MYO1B: variants seen among roughly 807,000 people sequenced by gnomAD.
The protein encoded by MYO1B is myosin IB.
A neutral mutation model predicts 159.7 loss-of-function variants in MYO1B; 72 were observed. The ratio of observed to expected loss-of-function variants is 0.45; its 90% confidence interval spans 0.37 to 0.55. The LOEUF is 0.55. Ranked by LOEUF, MYO1B falls within the 20% of genes least tolerant of loss-of-function variation. The probability of loss-of-function intolerance (pLI) is 0.00; values close to 1 mark genes in which losing one functional copy is unlikely to be tolerated. For missense variants in MYO1B, 1,062 were observed against 1,364.8 expected, an observed-to-expected ratio of 0.78 and a Z score of 3.50; for synonymous variants, 468 against 473.8, an observed-to-expected ratio of 0.99 and a Z score of 0.16.
chr2:191,397,122 T>A (rs1448097613), intron 21 of MYO1B, among the ~76,000 whole-genome samples: 2 of 121,544 alleles, frequency 1.6e-5, no homozygotes, highest in Non-Finnish European at 3.4e-5. Flanking sequence ...CAAAAGAAGA[T>A]GATTTCTTTT....
intron 24 of MYO1B, among the ~76,000 whole-genome samples, chr2:191,405,679 A>G (rs1444174230): frequency 6.6e-6 from 1 of 152,238 alleles, no homozygotes; most frequent in Non-Finnish European, 1.5e-5. Flanking sequence ...GTCAGTGTGC[A>G]TGAATATTTT....
At chr2:191,403,316 G>T (rs1574622823) in intron 24 of MYO1B, among the ~76,000 whole-genome samples, 1 of 152,136 alleles carries the variant, frequency 6.6e-6, no homozygotes, top group East Asian at 1.9e-4. Context: ...TTATGGCAGG[G>T]TTTATTTTGA....
At chr2:191,258,718 C>T (rs1686610386) in intron 1 of MYO1B, among the ~76,000 whole-genome samples, 1 of 152,170 alleles carries the variant, frequency 6.6e-6, no homozygotes, top group South Asian at 2.1e-4. Context: ...CCACTTCATA[C>T]ACACTAATAC....
At chr2:191,379,577 GCTTTC>G (rs1313932330) in intron 13 of MYO1B, among the ~76,000 whole-genome samples, 1 of 152,098 alleles carries the variant, frequency 6.6e-6, no homozygotes, top group Non-Finnish European at 1.5e-5. Context: ...GGACACTAGT[GCTTTC>G]CTTTCCTTCT....
intron 1 of MYO1B, among the ~76,000 whole-genome samples, chr2:191,272,008 G>T (rs1687481375): frequency 6.6e-6 from 1 of 152,160 alleles, no homozygotes; most frequent in African/African-American, 2.4e-5. Flanking sequence ...GGTTGTTTAT[G>T]CTGCATTCTC....
At chr2:191,273,898 C>T (rs150057716) in intron 1 of MYO1B, among the ~76,000 whole-genome samples, 58 of 152,262 alleles carry the variant, frequency 3.8e-4, no homozygotes, top group African/African-American at 1.4e-3. Context: ...GCACATAGCT[C>T]CTTCAGAGAA....
chr2:191,265,628 C>T (rs551852856), intron 1 of MYO1B, among the ~76,000 whole-genome samples: 15 of 152,162 alleles, frequency 9.9e-5, no homozygotes, highest in South Asian at 8.3e-4. Context: ...AACAGTTTTA[C>T]GTTCACTTAG....
chr2:191,333,335 A>C (rs982889629), intron 4 of MYO1B, among the ~76,000 whole-genome samples: 1 of 152,120 alleles, frequency 6.6e-6, no homozygotes, highest in Non-Finnish European at 1.5e-5. Context: ...GCATGTACAA[A>C]ATGGAACTCT....
chr2:191,337,862 A>G (rs1327126571), intron 4 of MYO1B, among the ~76,000 whole-genome samples: 1 of 152,144 alleles, frequency 6.6e-6, no homozygotes, highest in Non-Finnish European at 1.5e-5. Context: ...GTTTTTCATT[A>G]TAGAGGTTAT....
In MYO1B at chr2:191,387,263, G is replaced by C. The variant is rs1332427470; in HGVS notation, c.1594G>C (p.Asp532His). Reference protein sequence around the residue: ...QVEGFVDKNNDLLYRDLSQAM... With the variant: ...QVEGFVDKNNHLLYRDLSQAM... ...GGAAGGATTCGTTGACAAAAACAAT[G>C]ACCTTCTCTATCGAGACCTGTCCCA... is the stretch of plus-strand genomic sequence containing the variant. Residue 532 changes from aspartate to histidine, a missense_variant, in exon 17 of 31, where the codon GAC (aspartate) becomes CAC (histidine). Around this residue, in one of 5 missense-constraint regions of MYO1B, gnomAD observed 609 missense variants for 744.4 expected, o/e 0.82. Coordinates refer to ENST00000392318, the MANE Select transcript of MYO1B (RefSeq NM_001130158.3). The C allele has an allele frequency of 6.2e-7, 1 of 1,614,132 alleles. No individual in the cohort carries two copies. Among genetic ancestry groups the C allele is most frequent in the South Asian group, 1.1e-5 (1 of 91,068 alleles).
At chr2:191,297,573 A>C (rs1689061718) in intron 3 of MYO1B, among the ~76,000 whole-genome samples, 1 of 152,198 alleles carries the variant, frequency 6.6e-6, no homozygotes, top group Non-Finnish European at 1.5e-5. Flanking sequence ...AACAACCCCA[A>C]ATTGTCATGA....
chr2:191,361,852 A>T (rs6742999), intron 8 of MYO1B, among the ~76,000 whole-genome samples: 1 of 152,036 alleles, frequency 6.6e-6, no homozygotes, highest in Non-Finnish European at 1.5e-5. Context: ...ACCAATTGGT[A>T]TGAAGACATT....
chr2:191,347,853 T>G (rs1256039109), intron 6 of MYO1B, among the ~76,000 whole-genome samples: 1 of 152,208 alleles, frequency 6.6e-6, no homozygotes, highest in Non-Finnish European at 1.5e-5. Flanking sequence ...CCGGGGAAAT[T>G]GCAATGTCTT....
intron 8 of MYO1B, 75 bp downstream of exon 8, chr2:191,360,804 A>G: frequency 1.0e-6 from 1 of 952,712 alleles, no homozygotes; most frequent in Non-Finnish European, 1.6e-6. Flanking sequence ...TGGGAGTCTC[A>G]CTGTGTTGCC....
intron 2 of MYO1B, 125 bp downstream of exon 2, chr2:191,277,155 T>C: frequency 8.4e-7 from 1 of 1,185,600 alleles, no homozygotes; most frequent in African/African-American, 1.5e-5. Flanking sequence ...ATTTGCTTTA[T>C]ACCCTCAGAA....
intron 25 of MYO1B, 96 bp from the exon 26 acceptor site, chr2:191,408,948 C>A (rs1265720748): frequency 4.7e-6 from 6 of 1,280,988 alleles, no homozygotes; most frequent in East Asian, 2.5e-5. Flanking sequence ...TAAATAAATT[C>A]TACTATTGTC....
intron 3 of MYO1B, among the ~76,000 whole-genome samples, chr2:191,314,549 G>A (rs551285317): frequency 1.3e-5 from 2 of 152,256 alleles, no homozygotes; most frequent in East Asian, 1.9e-4. Context: ...TTCATCCATT[G>A]GGAATTTCAG....
At chr2:191,274,294 C>T (rs1285578599) in intron 1 of MYO1B, among the ~76,000 whole-genome samples, 1 of 152,150 alleles carries the variant, frequency 6.6e-6, no homozygotes, top group Non-Finnish European at 1.5e-5. Flanking sequence ...CACTCTATTC[C>T]TCTTTGGATT....
intron 7 of MYO1B, 57 bp downstream of exon 7, chr2:191,350,282 A>G: frequency 1.6e-6 from 2 of 1,272,206 alleles, no homozygotes; most frequent in Non-Finnish European, 2.3e-6. Flanking sequence ...ACATATATTT[A>G]TAGTAGAATA....
Sources: allele counts gnomAD v4.1 joint callset (sites outside exome capture counted in the v4.1 genomes callset), GRCh38; gene constraint gnomAD v4.1.1; regional missense constraint gnomAD v4.1.1; transcripts MANE v1.5; gene names NCBI Gene and HGNC (gene_info 2026-07-23, HGNC 2026-07-21).